HECW2: variants seen among roughly 807,000 people sequenced by gnomAD.
HECW2 encodes the protein HECT, C2 and WW domain containing E3 ubiquitin protein ligase 2.
HECW2 carries 61 observed loss-of-function variants against 175.2 expected under a neutral mutation model. The ratio of observed to expected loss-of-function variants is 0.35; its 90% CI spans 0.28 to 0.43. The LOEUF (loss-of-function observed/expected upper bound fraction) is 0.43, where lower values mean the gene tolerates loss of function less well. Ranked by LOEUF, HECW2 falls within the 20% of genes least tolerant of loss-of-function variation. The pLI is 1.00. For missense variants in HECW2, 1,524 were observed against 2,000.5 expected, an observed-to-expected ratio of 0.76 and a Z score of 4.54; for synonymous variants, 671 against 731.0, an observed-to-expected ratio of 0.92 and a Z score of 1.32.
intron 5 of HECW2, 100 bp downstream of exon 5, chr2:196,329,475 T>A: frequency 1.1e-6 from 1 of 891,666 alleles, no homozygotes; most frequent in Non-Finnish European, 1.8e-6. Context: ...AGTTCACATA[T>A]CATCATATCA....
intron 1 of HECW2, among the ~76,000 whole-genome samples, chr2:196,472,634 T>G (rs1375070170): frequency 1.3e-5 from 2 of 152,124 alleles, no homozygotes; most frequent in African/African-American, 4.8e-5. Context: ...TTTTTCTTTT[T>G]TTTTGAGATG....
chr2:196,253,920 C>T lies in HECW2; in HGVS notation c.3529G>A (p.Gly1177Ser). 6.2e-7 allele frequency: 1 copy of T among 1,613,726 alleles called. No homozygotes were observed. The highest frequency in any genetic ancestry group is 8.5e-7 in the Non-Finnish European group (1 of 1,179,726). The change falls in exon 19 of 29, where the codon GGT (glycine) becomes AGT (serine). Residue 1177 changes from glycine (G) to serine (S), a missense_variant and splice_region_variant. Gly to Ser is a moderately conservative substitution (Grantham distance 56). This residue lies in a region of HECW2 where 291 missense variants were observed against 412.2 expected (regional missense o/e 0.71). Transcript: ENST00000644978. ...CACTGTGAGCAGCAGGTGGACTCAC[C>T]TGGCGAGTTCTGAGGAGATGACACG... is the stretch of plus-strand genomic sequence containing the variant. Reference protein sequence around the residue: ...SPVSSPQNSPGTQRANARAPA... With the variant: ...SPVSSPQNSPSTQRANARAPA...
intron 3 of HECW2, among the ~76,000 whole-genome samples, chr2:196,341,066 A>C (rs2105822143): frequency 6.6e-6 from 1 of 152,338 alleles, no homozygotes; most frequent in South Asian, 2.1e-4. Context: ...CTAATCAGCC[A>C]GGACATTATG....
intron 19 of HECW2, among the ~76,000 whole-genome samples, chr2:196,245,792 T>C (rs143215526): frequency 1.2e-4 from 18 of 152,332 alleles, no homozygotes; most frequent in African/African-American, 4.1e-4. Flanking sequence ...GTGAATAAAC[T>C]TGACTTTAAA....
At chr2:196,230,779 C>T (rs111509541) in intron 21 of HECW2, among the ~76,000 whole-genome samples, 4 of 152,232 alleles carry the variant, frequency 2.6e-5, no homozygotes, top group African/African-American at 9.6e-5. Context: ...AGGACTCCCC[C>T]ATCCTGTCTG....
chr2:196,322,977 G>T (rs748100927), intron 6 of HECW2, among the ~76,000 whole-genome samples: 1 of 152,158 alleles, frequency 6.6e-6, no homozygotes, highest in East Asian at 1.9e-4. Context: ...TTAATATCTT[G>T]TTATAGAATG....
chr2:196,199,715 T>G lies in HECW2; in HGVS notation c.*1562A>C, dbSNP rs1001448792. ...CAATTTAACTTCACTCTATTGAAAA[T>G]CTGATTAGTCAAGAAATAAACAAAG... On this transcript the variant is annotated 3_prime_UTR_variant, in exon 29 of 29. Transcript: ENST00000644978. The G allele has an allele frequency of 1.3e-5, 2 of 152,140 alleles. No individual in the cohort carries two copies. Among genetic ancestry groups the G allele is most frequent in the Non-Finnish European group, 1.5e-5 (1 of 68,004 alleles). The allele number at this position is 152,140 out of a possible 1,614,324, so 9.4% of individuals were successfully genotyped here.
chr2:196,424,313 T>C (rs554941070), intron 2 of HECW2, among the ~76,000 whole-genome samples: 20 of 152,218 alleles, frequency 1.3e-4, no homozygotes, highest in Non-Finnish European at 2.6e-4. Flanking sequence ...ACAACAATAT[T>C]GAAATTAGGC....
At chr2:196,465,523 T>C (rs75020051) in intron 1 of HECW2, among the ~76,000 whole-genome samples, 1,813 of 152,082 alleles carry the variant, frequency 0.012, 40 homozygotes, top group African/African-American at 0.04. Context: ...TACATCATGA[T>C]TTTTAGGGTG....
intron 1 of HECW2, among the ~76,000 whole-genome samples, chr2:196,487,118 C>T (rs996261927): frequency 4.7e-5 from 7 of 148,100 alleles, no homozygotes; most frequent in Non-Finnish European, 8.9e-5. Flanking sequence ...CACTGCACTC[C>T]AGCCTGAGCA....
At chr2:196,322,343 G>A in intron 7 of HECW2, 135 bp downstream of exon 7, 1 of 623,538 alleles carries the variant, frequency 1.6e-6, no homozygotes, top group Non-Finnish European at 2.7e-6. Context: ...ATAAGTGTAA[G>A]GACACTTTTA....
intron 2 of HECW2, among the ~76,000 whole-genome samples, chr2:196,364,399 A>C (rs980020948): frequency 2.0e-5 from 3 of 152,216 alleles, no homozygotes; most frequent in Non-Finnish European, 2.9e-5. Flanking sequence ...AAGCCATCAC[A>C]CATGTACTCT....
intron 1 of HECW2, among the ~76,000 whole-genome samples, chr2:196,501,228 G>A (rs538619641): frequency 1.3e-5 from 2 of 152,042 alleles, no homozygotes; most frequent in Non-Finnish European, 2.9e-5. Context: ...CCTTTTAAAT[G>A]TTGCATCATA....
chr2:196,590,794 T>C (rs1249654505), intron 1 of HECW2, among the ~76,000 whole-genome samples: 1 of 152,232 alleles, frequency 6.6e-6, no homozygotes, highest in East Asian at 1.9e-4. Flanking sequence ...TGCCTTTGGC[T>C]GAAATCAGTG....
intron 1 of HECW2, among the ~76,000 whole-genome samples, chr2:196,504,967 G>A (rs905473325): frequency 1.3e-5 from 2 of 151,868 alleles, no homozygotes; most frequent in African/African-American, 2.4e-5. Flanking sequence ...ACACCAAACA[G>A]AGCTCTACCT....
chr2:196,522,527 G>C (rs1249319592), intron 1 of HECW2, among the ~76,000 whole-genome samples: 1 of 151,708 alleles, frequency 6.6e-6, no homozygotes, highest in African/African-American at 2.4e-5. Flanking sequence ...CATTGCTTTT[G>C]GTGTTTTAGA....
chr2:196,345,409 C>T (rs1309621833), intron 2 of HECW2, among the ~76,000 whole-genome samples: 1 of 152,186 alleles, frequency 6.6e-6, no homozygotes, highest in East Asian at 1.9e-4. Flanking sequence ...TGACATGTGG[C>T]CTGGTTCTGC....
chr2:196,325,181 C>G, intron 5 of HECW2, 32 bp from the exon 6 acceptor site: 1 of 1,481,966 alleles, frequency 6.7e-7, no homozygotes, highest in Non-Finnish European at 9.1e-7. Context: ...GAGGGAGGGA[C>G]AAAGAGAAAG....
intron 22 of HECW2, among the ~76,000 whole-genome samples, chr2:196,226,247 C>G (rs1687846152): frequency 6.6e-6 from 1 of 152,120 alleles, no homozygotes; most frequent in Non-Finnish European, 1.5e-5. Context: ...CACTCTCTCT[C>G]TCTCTCCCTC....
Sources: allele counts gnomAD v4.1 joint callset (sites outside exome capture counted in the v4.1 genomes callset), GRCh38; gene constraint gnomAD v4.1.1; regional missense constraint gnomAD v4.1.1; transcripts MANE v1.5; gene names NCBI Gene and HGNC (gene_info 2026-07-23, HGNC 2026-07-21).